PREP: variants seen among roughly 807,000 people sequenced by gnomAD.
PREP encodes dJ355L5.1 (prolyl endopeptidase).
A neutral mutation model predicts 87.6 loss-of-function variants in PREP; 29 were observed. That is an observed-to-expected ratio of 0.33 (90% confidence interval 0.25 to 0.45). The LOEUF (loss-of-function observed/expected upper bound fraction) is 0.45. PREP is among the 20% of genes least tolerant of loss of function. PREP has a pLI of 1.00. For synonymous variants in PREP, 337 were observed against 328.6 expected, an observed-to-expected ratio of 1.03 and a Z score of -0.28; for missense variants, 695 against 886.5, an observed-to-expected ratio of 0.78 and a Z score of 2.74.
rs138316994 is a variant in PREP at position 105,376,182 on chromosome 6, C to A, written c.328G>T (p.Ala110Ser). 5.1e-4 allele frequency: 829 copies of A among 1,613,914 alleles called. 6 individuals are homozygous for A. In the Middle Eastern group the frequency reaches 6.8e-3, roughly 13 times the overall value. Residue 110 changes from alanine (A) to serine (S), a missense_variant, in exon 4 of 15, where the codon GCC becomes TCC. Coordinates refer to ENST00000652536, the MANE Select transcript of PREP (RefSeq NM_002726.5). The stretch of plus-strand genomic sequence containing the variant: ...ATGTTGGGGTCCAGGAACACTCTGG[C>A]CTCACCCTCTAAGGAATCCTGTACA... ...LYVQDSLEGE[A>S]RVFLDPNILS...
chr6:105,299,784 G>C (rs995301737), intron 10 of PREP, among the ~76,000 whole-genome samples: 2 of 152,080 alleles, frequency 1.3e-5, no homozygotes, highest in African/African-American at 4.8e-5. Context: ...TAGAGCCTTT[G>C]GTATAGATTT....
intron 10 of PREP, among the ~76,000 whole-genome samples, chr6:105,292,847 T>C (rs547930105): frequency 8.9e-4 from 135 of 152,364 alleles, no homozygotes; most frequent in Non-Finnish European, 1.7e-3. Context: ...TGCACTTTTA[T>C]GTTATGCAGA....
At chr6:105,376,350 G>A in intron 3 of PREP, 95 bp from the exon 4 acceptor site, 1 of 1,419,922 alleles carries the variant, frequency 7.0e-7, no homozygotes, top group Non-Finnish European at 9.6e-7. Flanking sequence ...CAAAACCAAA[G>A]ACCTAAAAAG....
intron 6 of PREP, among the ~76,000 whole-genome samples, chr6:105,367,230 T>A (rs771995365): frequency 6.6e-6 from 1 of 152,204 alleles, no homozygotes; most frequent in Non-Finnish European, 1.5e-5. Context: ...TGTACATTAT[T>A]TCATATCTAT....
At chr6:105,364,076 C>CT (rs1168996497) in intron 6 of PREP, among the ~76,000 whole-genome samples, 2 of 152,194 alleles carry the variant, frequency 1.3e-5, no homozygotes, top group Admixed American at 1.3e-4. Flanking sequence ...CTCCTCCTCC[C>CT]TGAGTGGCTA....
At chr6:105,393,805 C>T (rs1364711040) in intron 2 of PREP, among the ~76,000 whole-genome samples, 1 of 152,014 alleles carries the variant, frequency 6.6e-6, no homozygotes, top group African/African-American at 2.4e-5. Flanking sequence ...GATTGGCCAA[C>T]CTGTATTAAA....
intron 5 of PREP, among the ~76,000 whole-genome samples, chr6:105,370,273 C>G (rs1003284696): frequency 1.5e-5 from 2 of 129,916 alleles, no homozygotes; most frequent in African/African-American, 3.1e-5. Context: ...GTGGCGCTAA[C>G]TAGTCCCAGA....
At chr6:105,346,758 C>T (rs2114676316) in intron 7 of PREP, among the ~76,000 whole-genome samples, 1 of 152,286 alleles carries the variant, frequency 6.6e-6, no homozygotes, top group Middle Eastern at 3.4e-3. Flanking sequence ...GTTCTTTTTG[C>T]CTAACAATCA....
rs74559145 is a variant in PREP at position 105,350,439 on chromosome 6, G to C, written c.823+2533C>G. Among the ~76,000 whole-genome samples, 975 of 152,112 alleles carry C rather than the reference G, an allele frequency of 6.4e-3. 15 individuals carry two copies. Among genetic ancestry groups the C allele is most frequent in the South Asian group, 0.04 (191 of 4,818 alleles). ...AAATTCAAATCTGATTTGAAAGGCT[G>C]TGGTTATTATCCCAATATATCCAAC... On this transcript the variant is annotated intron_variant, in intron 7 of 14. Transcript: ENST00000652536.
In PREP at chr6:105,278,286, C is replaced by T; in HGVS notation, c.1991G>A (p.Arg664Lys). Residue 664 changes from arginine to lysine, a missense_variant, in exon 15 of 15, where the codon AGG (arginine) becomes AAG (lysine). Arg to Lys is a conservative substitution (Grantham distance 26). This residue lies in a region of PREP where 121 missense variants were observed against 154.8 expected (regional missense o/e 0.78). Coordinates refer to ENST00000652536, the MANE Select transcript of PREP (RefSeq NM_002726.5). The surrounding 1 kb of genome is among the most constrained non-coding windows in gnomAD (Gnocchi z 4.2). ...ATLQYIVGRS[R>K]KQSNPLLIHV... ...GATAAGCAGGGGGTTGCTTTGCTTCCTGCTGCGGCCCACGATGTACTGAAG... is the reference window on the plus strand; with the variant it reads ...GATAAGCAGGGGGTTGCTTTGCTTCTTGCTGCGGCCCACGATGTACTGAAG... 1.2e-6 allele frequency: 2 copies of T among 1,614,210 alleles called. No individual in the cohort carries two copies. The highest frequency in any genetic ancestry group is 1.1e-5 in the South Asian group (1 of 91,076).
chr6:105,381,096 C>T (rs1772825048), intron 2 of PREP, among the ~76,000 whole-genome samples: 2 of 152,172 alleles, frequency 1.3e-5, no homozygotes, highest in Non-Finnish European at 1.5e-5. Flanking sequence ...AGGATTAGTA[C>T]ATCCAATTTT....
At chr6:105,391,492 G>T (rs1266041109) in intron 2 of PREP, among the ~76,000 whole-genome samples, 1 of 152,218 alleles carries the variant, frequency 6.6e-6, no homozygotes, top group Non-Finnish European at 1.5e-5. Context: ...AAAGTGCTGA[G>T]ATTATATGTG....
chr6:105,333,746 C>T (rs1282642512), intron 7 of PREP, among the ~76,000 whole-genome samples: 4 of 152,114 alleles, frequency 2.6e-5, no homozygotes, highest in Admixed American at 6.5e-5. Context: ...GCCCATCACC[C>T]CCACAAGATC....
At chr6:105,279,633 G>T (rs956861068) in intron 14 of PREP, among the ~76,000 whole-genome samples, 3 of 152,182 alleles carry the variant, frequency 2.0e-5, no homozygotes, top group African/African-American at 7.2e-5. Flanking sequence ...CACAGCCCAG[G>T]GGGCGGGGAG....
chr6:105,396,965 C>T (rs1216141189), intron 2 of PREP, among the ~76,000 whole-genome samples: 2 of 152,038 alleles, frequency 1.3e-5, no homozygotes, highest in African/African-American at 2.4e-5. Context: ...GGGAGGATCA[C>T]TTGAGGCCAG....
chr6:105,391,060 C>CACACACT lies in PREP; in HGVS notation c.120+6792_120+6793insAGTGTGT, dbSNP rs1554212310. ...ACACACACACACACACACACACACA[C>CACACACT]TTTTTTTTTTTTTTAATTAAGAGAC... On this transcript the variant is annotated intron_variant, in intron 2 of 14. Transcript: ENST00000652536. 1.1e-4 allele frequency among the ~76,000 whole-genome samples: 16 copies of CACACACT among 140,190 alleles called. No individual in the cohort carries two copies. In the South Asian group the frequency reaches 2.3e-3, roughly 20 times the overall value. The allele number at this position is 140,190 out of a possible 152,430, so 92.0% of individuals were successfully genotyped here.
chr6:105,373,269 G>A (rs1169343626), intron 5 of PREP, 100 bp downstream of exon 5: 2 of 1,297,210 alleles, frequency 1.5e-6, no homozygotes, highest in East Asian at 4.6e-5. Flanking sequence ...CATGGTTCTG[G>A]ACCACACAAC....
intron 7 of PREP, among the ~76,000 whole-genome samples, chr6:105,338,897 A>G (rs1771552191): frequency 6.6e-6 from 1 of 152,192 alleles, no homozygotes. Context: ...GGGTAACTCA[A>G]ACTGGGTAAA....
At chr6:105,370,759 G>C (rs1772516538) in intron 5 of PREP, among the ~76,000 whole-genome samples, 1 of 152,162 alleles carries the variant, frequency 6.6e-6, no homozygotes, top group African/African-American at 2.4e-5. Flanking sequence ...AGCGAAAAAA[G>C]CCAATCTGAA....
Sources: allele counts gnomAD v4.1 joint callset (sites outside exome capture counted in the v4.1 genomes callset), GRCh38; gene constraint gnomAD v4.1.1; regional missense constraint gnomAD v4.1.1; non-coding constraint Gnocchi (gnomAD v3.1); transcripts MANE v1.5; gene names NCBI Gene and HGNC (gene_info 2026-07-23, HGNC 2026-07-21).